The following MID1 variants were observed in gnomAD, a reference collection of about 807,000 sequenced individuals.
The protein encoded by MID1 is E3 ubiquitin-protein ligase Midline-1.
In MID1, 7 loss-of-function variants were observed where a neutral mutation model predicts 40.4. The ratio of observed to expected loss-of-function variants is 0.17; its 90% CI spans 0.10 to 0.33. MID1 has a LOEUF of 0.33. MID1 is among the 10% of genes least tolerant of loss of function. The pLI is 1.00. For synonymous variants in MID1, 229 were observed against 221.2 expected, an observed-to-expected ratio of 1.04 and a Z score of -0.31; for missense variants, 367 against 558.5, an observed-to-expected ratio of 0.66 and a Z score of 3.46.
chrX:10,588,747 G>A (rs1935198462), intron 1 of MID1, among the ~76,000 whole-genome samples: 1 of 110,214 alleles, frequency 9.1e-6, no homozygotes, highest in South Asian at 3.9e-4. Context: ...CTTAACTACT[G>A]TGGGGGGAAG....
At chrX:10,743,175 A>T (rs2043536015) in intron 1 of MID1, among the ~76,000 whole-genome samples, 1 of 112,438 alleles carries the variant, frequency 8.9e-6, no homozygotes, top group South Asian at 3.7e-4. Flanking sequence ...ACAGCGGCTG[A>T]TTCTTGGGCT....
intron 3 of MID1, among the ~76,000 whole-genome samples, chrX:10,517,816 C>T (rs750585835): frequency 8.9e-6 from 1 of 112,617 alleles, no homozygotes; most frequent in Admixed American, 9.4e-5. Context: ...TGCGCTGCTT[C>T]CCCAGTCCCC....
chrX:10,679,004 G>T (rs150960882), intron 1 of MID1, among the ~76,000 whole-genome samples: 2,370 of 111,089 alleles, frequency 0.021, 68 homozygotes, highest in African/African-American at 0.074. Flanking sequence ...TAGATGCATG[G>T]ACCCTTCCTC....
intron 2 of MID1, among the ~76,000 whole-genome samples, chrX:10,541,776 G>A (rs1933477266): frequency 1.1e-5 from 1 of 93,813 alleles, no homozygotes; most frequent in Non-Finnish European, 2.1e-5. Context: ...AATCCCAAGT[G>A]TGAATTTTCT....
chrX:10,614,066 A>G (rs1170010411), intron 1 of MID1, among the ~76,000 whole-genome samples: 3 of 110,201 alleles, frequency 2.7e-5, no homozygotes, highest in Non-Finnish European at 1.9e-5. Flanking sequence ...CTGGGGATTC[A>G]AAGGTAATTA....
intron 8 of MID1, 93 bp from the exon 9 acceptor site, chrX:10,455,170 A>C: frequency 1.3e-6 from 1 of 789,692 alleles, no homozygotes. Context: ...CAGGTTTAAA[A>C]GACAGGAACA....
chrX:10,742,579 C>T (rs1175004187), intron 1 of MID1, among the ~76,000 whole-genome samples: 1 of 112,334 alleles, frequency 8.9e-6, no homozygotes, highest in Non-Finnish European at 1.9e-5. Context: ...AGAGAAATTG[C>T]TTGTGGTTTA....
chrX:10,656,805 C>T (rs1276438863), intron 1 of MID1, among the ~76,000 whole-genome samples: 1 of 110,168 alleles, frequency 9.1e-6, no homozygotes, highest in Non-Finnish European at 1.9e-5. Flanking sequence ...TTCTCTTCCT[C>T]GTGGAAGAAT....
At chrX:10,535,669 G>A (rs1170505264) in intron 2 of MID1, among the ~76,000 whole-genome samples, 1 of 111,705 alleles carries the variant, frequency 9.0e-6, no homozygotes, top group African/African-American at 3.3e-5. Flanking sequence ...ATACAAATTT[G>A]GTCTGTTGAC....
rs1424740550 is a variant in MID1 at position 10,700,069 on chromosome X, G to A, written c.-186-79650C>T. ...ACTCCCGACCTCAGGTAATCTGCCT[G>A]CCTTGGCCTCCCAAAGTACTGAGAT... On this transcript the variant is annotated intron_variant, in intron 1 of 10. Coordinates refer to the MID1 transcript ENST00000380785. Among the ~76,000 whole-genome samples, 4 of 110,974 alleles carry A rather than the reference G, an allele frequency of 3.6e-5. No homozygotes were observed. The Admixed American group carries it at 3.8e-4, about 11-fold the overall frequency.
chrX:10,598,665 T>C (rs113971574), intron 1 of MID1, among the ~76,000 whole-genome samples: 4 of 112,068 alleles, frequency 3.6e-5, no homozygotes, highest in Non-Finnish European at 7.5e-5. Context: ...AATGCAGATG[T>C]CCCTTAGAAA....
intron 4 of MID1, among the ~76,000 whole-genome samples, chrX:10,493,571 C>CA (rs938653935): frequency 7.2e-5 from 8 of 111,248 alleles, no homozygotes; most frequent in African/African-American, 2.0e-4. Flanking sequence ...AGTGCTTTTT[C>CA]AAAAAAATTA....
chrX:10,664,823 G>C (rs1458837920), intron 1 of MID1, among the ~76,000 whole-genome samples: 1 of 112,007 alleles, frequency 8.9e-6, no homozygotes, highest in East Asian at 2.8e-4. Context: ...GGTCTGGTCA[G>C]GTGAAAAGTG....
chrX:10,536,357 T>C (rs972750357), intron 2 of MID1, among the ~76,000 whole-genome samples: 3 of 112,796 alleles, frequency 2.7e-5, no homozygotes, highest in Non-Finnish European at 3.7e-5. Flanking sequence ...ACAAAAAATA[T>C]TTACTAAGGC....
At chrX:10,659,530 C>T (rs1313761659) in intron 1 of MID1, among the ~76,000 whole-genome samples, 1 of 112,171 alleles carries the variant, frequency 8.9e-6, no homozygotes, top group African/African-American at 3.2e-5. Context: ...TAAAACACCA[C>T]TGTATGTTAC....
chrX:10,747,565 C>A (rs2043567100), intron 1 of MID1, among the ~76,000 whole-genome samples: 1 of 112,403 alleles, frequency 8.9e-6, no homozygotes, highest in Non-Finnish European at 1.9e-5. Context: ...CTATTTGAGA[C>A]AGTCATGAAA....
intron 1 of MID1, among the ~76,000 whole-genome samples, chrX:10,636,784 G>GTATATATATATA (rs1198448070): frequency 0.014 from 171 of 12,130 alleles, 3 homozygotes; most frequent in African/African-American, 0.065. Context: ...CCAACAATGG[G>GTATATATATATA]GATATATATA....
At chrX:10,516,203 T>C (rs1268124658) in intron 3 of MID1, among the ~76,000 whole-genome samples, 5 of 99,418 alleles carry the variant, frequency 5.0e-5, no homozygotes, top group Non-Finnish European at 1.0e-4. Context: ...TTTTTTTTTT[T>C]TTTTTTTTTG....
intron 4 of MID1, among the ~76,000 whole-genome samples, chrX:10,483,638 G>C (rs1280677830): frequency 8.9e-6 from 1 of 112,062 alleles, no homozygotes; most frequent in African/African-American, 3.2e-5. Context: ...AAATAGCCCT[G>C]GGTGAAAGGG....
Sources: allele counts gnomAD v4.1 joint callset (sites outside exome capture counted in the v4.1 genomes callset), GRCh38; gene constraint gnomAD v4.1.1; transcripts MANE v1.5; gene names NCBI Gene and HGNC (gene_info 2026-07-23, HGNC 2026-07-21).